MTHFD1: variants seen among roughly 807,000 people sequenced by gnomAD.
MTHFD1 encodes methylenetetrahydrofolate dehydrogenase, cyclohydrolase and formyltetrahydrofolate synthetase 1, also known as C-1-tetrahydrofolate synthase, cytoplasmic.
In MTHFD1, 44 loss-of-function variants were observed where a neutral mutation model predicts 110.3. That is an observed-to-expected ratio of 0.40 (90% CI 0.31 to 0.51). MTHFD1 has a LOEUF of 0.51. Ranked by LOEUF, MTHFD1 falls within the 20% of genes least tolerant of loss-of-function variation. The pLI is 0.60. For synonymous variants in MTHFD1, 402 were observed against 428.8 expected (o/e 0.94, Z 0.77); for missense variants, 909 against 1,173.1 (o/e 0.77, Z 3.29).
In MTHFD1 at chr14:64,458,265, T is replaced by G; in HGVS notation, c.2770T>G (p.Leu924Val). 6.2e-7 allele frequency: 1 copy of G among 1,613,798 alleles called. No homozygotes were observed. The highest frequency in any genetic ancestry group is 2.2e-5 in the East Asian group (1 of 44,874). ...PTRPCFYDID[L>V]DPETEQVNGL... ...CCGGCCCTGTTTTTATGATATTGAT[T>G]TGGACCCTGAAACAGAACAGGTGAA... Residue 924 changes from leucine to valine, a missense_variant, in exon 27 of 28, where the codon TTG becomes GTG. Physicochemically the swap from Leu to Val is conservative, Grantham distance 32 (BLOSUM62 1). This residue lies in a region of MTHFD1 where 482 missense variants were observed against 646.0 expected (regional missense o/e 0.75). Coordinates refer to ENST00000652337, the MANE Select transcript of MTHFD1 (RefSeq NM_005956.4).
chr14:64,441,887 C>A, intron 19 of MTHFD1, 167 bp from the exon 20 acceptor site: 1 of 684,502 alleles, frequency 1.5e-6, no homozygotes, highest in Non-Finnish European at 2.7e-6. Flanking sequence ...CTCATTCTTC[C>A]TCACACCTGT....
chr14:64,451,396 T>C (rs1195671978), intron 24 of MTHFD1, among the ~76,000 whole-genome samples: 1 of 152,208 alleles, frequency 6.6e-6, no homozygotes, highest in Non-Finnish European at 1.5e-5. Context: ...AACTTATTAC[T>C]CTTGAGTTTT....
In MTHFD1 at chr14:64,448,331, G is replaced by A. The variant is rs758712837; in HGVS notation, c.2279+14G>A. The A allele has an allele frequency of 6.3e-7, 1 of 1,576,592 alleles. No homozygotes were observed. The highest frequency in any genetic ancestry group is 1.7e-5 in the Admixed American group (1 of 59,980). On this transcript the variant is annotated intron_variant, in intron 23 of 27. Transcript: ENST00000652337. ...GAATGCATTCAAGTAAGTGTAGAGT[G>A]TAAGCGAAAAGGATGAATGTGGAAA...
chr14:64,448,552 A>C, intron 23 of MTHFD1: 1 of 543,750 alleles, frequency 1.8e-6, no homozygotes, highest in Non-Finnish European at 3.3e-6. Flanking sequence ...CCACTGGGGG[A>C]AGTAACACAC....
intron 16 of MTHFD1, among the ~76,000 whole-genome samples, chr14:64,437,665 G>A (rs146056852): frequency 6.6e-5 from 10 of 152,296 alleles, no homozygotes; most frequent in Non-Finnish European, 1.3e-4. Flanking sequence ...TGACCAACTG[G>A]TTATAAACTG....
At chr14:64,448,067 T>G (rs1371962265) in intron 22 of MTHFD1, 150 bp from the exon 23 acceptor site, 8 of 689,352 alleles carry the variant, frequency 1.2e-5, no homozygotes, top group Admixed American at 4.2e-5. Context: ...CTGGAAAAAA[T>G]GCACCAAGGG....
At chr14:64,420,451 G>A (rs1026064921) in intron 8 of MTHFD1, among the ~76,000 whole-genome samples, 1 of 152,026 alleles carries the variant, frequency 6.6e-6, no homozygotes, top group Non-Finnish European at 1.5e-5. Context: ...CCTTACTCCC[G>A]TCTTTTGGTT....
Position 64,444,676 on chromosome 14 carries a change from G to T in MTHFD1, c.2137-17G>T. The T allele has an allele frequency of 6.2e-7, 1 of 1,613,434 alleles. No individual in the cohort carries two copies. ...TTAAATAGGAAATGCCTCTGACTCT[G>T]TTTCTTTTCCTTCCAGGTCACTGCT... On this transcript the variant is annotated splice_polypyrimidine_tract_variant and intron_variant, in intron 21 of 27. Coordinates refer to ENST00000652337, the MANE Select transcript of MTHFD1 (RefSeq NM_005956.4).
At chr14:64,392,234 G>A (rs539066374) in intron 1 of MTHFD1, among the ~76,000 whole-genome samples, 2 of 152,332 alleles carry the variant, frequency 1.3e-5, no homozygotes, top group East Asian at 3.9e-4. Context: ...CCTGTGAGAA[G>A]CTGACCGAGT....
intron 19 of MTHFD1, chr14:64,441,721 T>C (rs2140975426): frequency 1.8e-6 from 1 of 548,136 alleles, no homozygotes; most frequent in Non-Finnish European, 3.3e-6. Flanking sequence ...CAGAATGGCG[T>C]GAACCTGGGA....
intron 12 of MTHFD1, 88 bp downstream of exon 12, chr14:64,427,561 G>C (rs2140965185): frequency 7.5e-7 from 1 of 1,328,060 alleles, no homozygotes; most frequent in East Asian, 2.3e-5. Context: ...GATACTTATG[G>C]GGTCTTCAAC....
intron 24 of MTHFD1, among the ~76,000 whole-genome samples, chr14:64,450,772 A>G (rs965307246): frequency 1.3e-5 from 2 of 152,100 alleles, no homozygotes; most frequent in African/African-American, 2.4e-5. Context: ...CAGTGGTACA[A>G]TCATGGCACA....
At position 64,449,745 on chromosome 14, in the gene MTHFD1, G is replaced by GTAGGTGACTTACACAACCAC. The variant is rs1487149390; in HGVS notation, c.2457+124_2457+143dup. The GTAGGTGACTTACACAACCAC allele has an allele frequency of 3.5e-6, 4 of 1,152,260 alleles. No homozygotes were observed. The African/African-American group carries it at 4.6e-5, about 13-fold the overall frequency. 71.4% of individuals were successfully genotyped at this position (1,152,260 alleles called of 1,614,324 possible). ...TTCAGCCTTGCGGTTTGATTCCCAC[G>GTAGGTGACTTACACAACCAC]TAGGTGACTTACACAACCACAGCCT... is the stretch of plus-strand genomic sequence containing the variant. On this transcript the variant is annotated intron_variant, in intron 24 of 27. Transcript: ENST00000652337.
Position 64,435,627 on chromosome 14 carries a change from T to C in MTHFD1, c.1553T>C (p.Phe518Ser). ...TTLTDEEINR[F>S]ARLDIDPETI... ...CTGACAGATGAAGAGATAAACAGAT[T>C]TGCAAGATTGGACATTGATCCAGAA... The change falls in exon 16 of 28, where the codon TTT (phenylalanine) becomes TCT (serine). Residue 518 changes from phenylalanine (F) to serine (S), a missense_variant. Transcript: ENST00000652337. 2 of 1,612,804 alleles carry C rather than the reference T, an allele frequency of 1.2e-6. No homozygotes were observed.
chr14:64,411,962 T>A (rs1464816598), intron 3 of MTHFD1, among the ~76,000 whole-genome samples: 2 of 152,086 alleles, frequency 1.3e-5, no homozygotes, highest in Non-Finnish European at 2.9e-5. Flanking sequence ...ATCTGCATTT[T>A]ACATAAGATA....
chr14:64,443,029 A>G (rs1183335760), intron 21 of MTHFD1, among the ~76,000 whole-genome samples: 1 of 152,228 alleles, frequency 6.6e-6, no homozygotes, highest in African/African-American at 2.4e-5. Context: ...GGCCTACATG[A>G]AAAGACATGG....
At position 64,389,434 on chromosome 14, in the gene MTHFD1, C is replaced by T. The variant is rs144921570; in HGVS notation, c.41+966C>T. Among the ~76,000 whole-genome samples the T allele has an allele frequency of 5.3e-5, 8 of 151,972 alleles. No homozygotes were observed. The East Asian group carries it at 1.2e-3, about 22-fold the overall frequency. ...GTCATCGGTGGTGAAAAGTCCGGGC[C>T]CAGTGGCTCATGCCTGTAATCCCAG... On this transcript the variant is annotated intron_variant, in intron 1 of 27. Transcript: ENST00000652337.
chr14:64,443,851 T>C (rs781217726), intron 21 of MTHFD1, among the ~76,000 whole-genome samples: 1 of 152,164 alleles, frequency 6.6e-6, no homozygotes, highest in Non-Finnish European at 1.5e-5. Context: ...TTTGCACATA[T>C]GGCTCTGTCA....
intron 2 of MTHFD1, among the ~76,000 whole-genome samples, chr14:64,403,542 A>G (rs1414697897): frequency 9.2e-5 from 14 of 152,000 alleles, no homozygotes; most frequent in Admixed American, 9.2e-4. Context: ...TGCTGAGATT[A>G]CAGGTGTAAG....
Sources: gnomAD v4.1 joint callset for allele counts (sites outside exome capture counted in the v4.1 genomes callset) on GRCh38, gnomAD v4.1.1 for gene constraint, gnomAD v4.1.1 regional missense constraint, MANE v1.5 for transcripts, NCBI Gene and HGNC (gene_info 2026-07-23, HGNC 2026-07-21) for gene names.